Variants in BAAT observed in about 807,000 individuals in gnomAD.
The protein encoded by BAAT is bile acid CoA: amino acid N-acyltransferase (glycine N-choloyltransferase).
BAAT carries 13 observed loss-of-function variants against 18.9 expected under a neutral mutation model. That is an observed-to-expected ratio of 0.69 (90% CI 0.45 to 1.10). The LOEUF (loss-of-function observed/expected upper bound fraction) is 1.10, where lower values mean the gene tolerates loss of function less well. Among genes scored for constraint, BAAT ranks in the 50% least tolerant of loss-of-function variants. The pLI, the probability that BAAT is intolerant of heterozygous loss-of-function variation, is 0.00. For synonymous variants in BAAT, 170 were observed against 190.7 expected (o/e 0.89, Z 0.89); for missense variants, 489 against 504.0 (o/e 0.97, Z 0.28).
intron 1 of BAAT, among the ~76,000 whole-genome samples, chr9:101,380,510 A>G (rs1212328132): frequency 6.6e-6 from 1 of 152,182 alleles, no homozygotes; most frequent in East Asian, 1.9e-4. Context: ...CCACAGAGCA[A>G]GCTTACTCAC....
chr9:101,373,337 C>G (rs1415555259), intron 1 of BAAT, among the ~76,000 whole-genome samples: 9 of 152,052 alleles, frequency 5.9e-5, no homozygotes, highest in Admixed American at 5.9e-4. Flanking sequence ...TATCAAATAG[C>G]TGAGGAAAGA....
At position 101,362,208 on chromosome 9, in the gene BAAT, T is replaced by G. The variant is rs1829737976; in HGVS notation, c.*220A>C. On this transcript the variant is annotated 3_prime_UTR_variant, in exon 4 of 4. Transcript: ENST00000259407. ...AAAGAAAAGTCATGTAAATAATAAG[T>G]AAAATGATTTGTTTTATGATTTATT... The G allele has an allele frequency of 1.6e-6, 1 of 616,840 alleles. No homozygotes were observed. Among genetic ancestry groups the G allele is most frequent in the Non-Finnish European group, 2.8e-6 (1 of 353,456 alleles). 38.2% of individuals were successfully genotyped at this position (616,840 alleles called of 1,614,324 possible). A position where few individuals can be genotyped will look rare whatever the true frequency, so the allele number is the denominator to read the frequency against.
At chr9:101,369,202 G>A (rs891310316) in intron 2 of BAAT, among the ~76,000 whole-genome samples, 9 of 152,074 alleles carry the variant, frequency 5.9e-5, no homozygotes, top group African/African-American at 1.9e-4. Flanking sequence ...AAGACAGAGT[G>A]ATCCCATCCA....
intron 1 of BAAT, among the ~76,000 whole-genome samples, chr9:101,384,540 A>G (rs1263886547): frequency 2.0e-5 from 3 of 152,318 alleles, no homozygotes; most frequent in East Asian, 1.9e-4. Flanking sequence ...TTGGAAAGCA[A>G]TTGGACATTG....
At chr9:101,370,475 C>T (rs1423805043) in intron 2 of BAAT, among the ~76,000 whole-genome samples, 2 of 151,986 alleles carry the variant, frequency 1.3e-5, no homozygotes, top group East Asian at 1.9e-4. Flanking sequence ...CTACCACACC[C>T]AGCTAATTTT....
chr9:101,362,759 T>C lies in BAAT; in HGVS notation c.926A>G (p.Tyr309Cys). 1 of 1,614,178 alleles carries C rather than the reference T, an allele frequency of 6.2e-7. No individual in the cohort carries two copies. Residue 309 changes from tyrosine to cysteine, a missense_variant, in exon 4 of 4, where the codon TAT (tyrosine) becomes TGT (cysteine). Coordinates refer to ENST00000259407, the MANE Select transcript of BAAT (RefSeq NM_001701.4). ...CTGGGCCTCTTCAATAGGAAACAAA[T>C]ATTGACTGGCCCCAACTTGAGTTGT... ...FETTQVGASQ[Y>C]LFPIEEAQGQ... is the part of the protein sequence containing the mutation.
intron 1 of BAAT, among the ~76,000 whole-genome samples, chr9:101,379,297 G>A (rs535787388): frequency 9.9e-5 from 15 of 152,256 alleles, no homozygotes; most frequent in South Asian, 2.1e-4. Context: ...CACCGCATCC[G>A]GCGAATGTCG....
intron 1 of BAAT, among the ~76,000 whole-genome samples, chr9:101,376,837 G>A (rs1830056164): frequency 6.6e-6 from 1 of 152,198 alleles, no homozygotes; most frequent in Non-Finnish European, 1.5e-5. Context: ...AAAAGTTAGA[G>A]AAAGAGAAAC....
intron 1 of BAAT, chr9:101,375,429 A>C (rs1419201859): frequency 1.5e-5 from 3 of 199,744 alleles, no homozygotes; most frequent in Middle Eastern, 9.8e-4. Flanking sequence ...TCTCATTCAA[A>C]GTCATCTCTG....
chr9:101,367,480 T>C (rs898856175), intron 3 of BAAT, among the ~76,000 whole-genome samples: 23 of 151,256 alleles, frequency 1.5e-4, no homozygotes, highest in Non-Finnish European at 2.8e-4. Context: ...GGTTCTATGA[T>C]AAGCATTTTG....
chr9:101,368,215 C>T lies in BAAT; in HGVS notation c.574G>A (p.Ala192Thr). Residue 192 changes from alanine (A) to threonine (T), a missense_variant, in exon 3 of 4, where the codon GCT becomes ACT. Physicochemically the swap from Ala to Thr is moderately conservative, Grantham distance 58 (BLOSUM62 0). Transcript: ENST00000259407. ...ASRGFASLAL[A>T]YHNYEDLPRK... ...GGCAGGTCTTCATAGTTATGGTAAGCCAAGGCCAAGGAGGCGAAGCCACGA... is the reference window on the plus strand; with the variant it reads ...GGCAGGTCTTCATAGTTATGGTAAGTCAAGGCCAAGGAGGCGAAGCCACGA... 2 of 1,614,072 alleles carry T rather than the reference C, an allele frequency of 1.2e-6. No individual in the cohort carries two copies. Among genetic ancestry groups the T allele is most frequent in the Non-Finnish European group, 1.7e-6 (2 of 1,179,986 alleles).
intron 3 of BAAT, among the ~76,000 whole-genome samples, chr9:101,365,390 A>AG (rs1160705917): frequency 6.6e-6 from 1 of 152,164 alleles, no homozygotes; most frequent in Non-Finnish European, 1.5e-5. Flanking sequence ...AGAGGGAAAA[A>AG]AAAAACTAAA....
At chr9:101,375,774 T>C (rs1830031717) in intron 1 of BAAT, 1 of 152,446 alleles carries the variant, frequency 6.6e-6, no homozygotes, top group Admixed American at 6.5e-5. Flanking sequence ...GAACCTTGGA[T>C]TCAAATGGCG....
At chr9:101,371,708 T>C (rs1417837587) in intron 1 of BAAT, among the ~76,000 whole-genome samples, 1 of 152,156 alleles carries the variant, frequency 6.6e-6, no homozygotes, top group East Asian at 1.9e-4. Flanking sequence ...GCAGCCAAAA[T>C]ATGCATGAAT....
chr9:101,376,551 GGCA>G (rs1830050468), intron 1 of BAAT: 1 of 152,366 alleles, frequency 6.6e-6, no homozygotes, highest in Admixed American at 6.5e-5. Flanking sequence ...GGCTTTCAGT[GGCA>G]GCAATGGGGT....
chr9:101,363,128 C>G (rs988058293), intron 3 of BAAT, 113 bp from the exon 4 acceptor site: 1 of 974,752 alleles, frequency 1.0e-6, no homozygotes, highest in Non-Finnish European at 1.6e-6. Flanking sequence ...AAGTATTAAT[C>G]CTACCCACAT....
intron 3 of BAAT, among the ~76,000 whole-genome samples, chr9:101,364,863 G>C (rs966261402): frequency 6.6e-6 from 1 of 152,308 alleles, no homozygotes; most frequent in Admixed American, 6.5e-5. Context: ...AACATGCTAG[G>C]AAGCCTGGCC....
chr9:101,370,798 G>C (rs1398584035), intron 2 of BAAT, 141 bp downstream of exon 2: 31 of 931,806 alleles, frequency 3.3e-5, no homozygotes, highest in South Asian at 1.7e-4. Context: ...AATTTCTGGA[G>C]GGATAATGCA....
chr9:101,382,933 A>G (rs1368577866), intron 1 of BAAT, among the ~76,000 whole-genome samples: 1 of 152,196 alleles, frequency 6.6e-6, no homozygotes, highest in African/African-American at 2.4e-5. Context: ...CCTGAATTGC[A>G]TAAATAGGTA....
Sources: gnomAD v4.1 joint callset for allele counts (sites outside exome capture counted in the v4.1 genomes callset) on GRCh38, gnomAD v4.1.1 for gene constraint, MANE v1.5 for transcripts, NCBI Gene and HGNC (gene_info 2026-07-23, HGNC 2026-07-21) for gene names.